Variants in SYNPO2 observed in about 807,000 individuals in gnomAD.
SYNPO2 encodes the protein synaptopodin 2.
A neutral mutation model predicts 85.0 loss-of-function variants in SYNPO2; 56 were observed. The ratio of observed to expected loss-of-function variants is 0.66; its 90% confidence interval spans 0.53 to 0.82. SYNPO2 has a LOEUF of 0.82. Ranked by LOEUF, SYNPO2 falls within the 40% of genes least tolerant of loss-of-function variation. The pLI is 0.00. For missense variants in SYNPO2, 1,575 were observed against 1,534.2 expected, an observed-to-expected ratio of 1.03 and a Z score of -0.44; for synonymous variants, 602 against 591.1, an observed-to-expected ratio of 1.02 and a Z score of -0.27.
intron 1 of SYNPO2, among the ~76,000 whole-genome samples, chr4:118,997,146 A>G (rs376879162): frequency 5.8e-4 from 86 of 147,278 alleles, no homozygotes; most frequent in Middle Eastern, 3.6e-3. Context: ...AGGCTGAGGC[A>G]GGAGAATGGC....
intron 1 of SYNPO2, among the ~76,000 whole-genome samples, chr4:118,955,882 A>T (rs1055545157): frequency 6.6e-6 from 1 of 152,224 alleles, no homozygotes; most frequent in African/African-American, 2.4e-5. Flanking sequence ...ATAAAGGATA[A>T]CAAAAAGGAA....
chr4:118,996,088 A>T (rs1307351610), intron 1 of SYNPO2, among the ~76,000 whole-genome samples: 1 of 152,128 alleles, frequency 6.6e-6, no homozygotes, highest in African/African-American at 2.4e-5. Context: ...CAAACTTTTC[A>T]TCCTCTCTCT....
chr4:119,009,804 G>T (rs1737223000), intron 1 of SYNPO2, among the ~76,000 whole-genome samples: 1 of 152,182 alleles, frequency 6.6e-6, no homozygotes, highest in South Asian at 2.1e-4. Flanking sequence ...GGCCATTAAT[G>T]GTTTATGAGC....
chr4:118,937,516 T>C (rs1734149672), intron 1 of SYNPO2, among the ~76,000 whole-genome samples: 1 of 152,136 alleles, frequency 6.6e-6, no homozygotes, highest in South Asian at 2.1e-4. Context: ...CTTATGTGTC[T>C]AAAGTCTGCC....
In SYNPO2 at chr4:118,975,577, A is replaced by T. The variant is rs371456980; in HGVS notation, c.106-47853A>T. ...ACTTTCACCCCCAGGAAGGAGGAGG[A>T]GGTGCAAGGGGAAATTCCTGTCATA... On this transcript the variant is annotated intron_variant, in intron 1 of 4. Coordinates refer to ENST00000307142, the MANE Select transcript of SYNPO2 (RefSeq NM_133477.3). Among the ~76,000 whole-genome samples the T allele has an allele frequency of 4.6e-5, 7 of 152,310 alleles. No individual in the cohort carries two copies. In the East Asian group the frequency reaches 1.2e-3, roughly 25 times the overall value.
intron 1 of SYNPO2, among the ~76,000 whole-genome samples, chr4:118,985,152 C>G (rs1270692071): frequency 6.6e-6 from 1 of 151,578 alleles, no homozygotes; most frequent in African/African-American, 2.4e-5. Context: ...CTTACGTACA[C>G]CGAAGCTTCA....
intron 1 of SYNPO2, among the ~76,000 whole-genome samples, chr4:118,962,932 G>T (rs1189025447): frequency 6.6e-6 from 1 of 152,188 alleles, no homozygotes; most frequent in Non-Finnish European, 1.5e-5. Context: ...GTGGAATTGT[G>T]GGTGCAGCCA....
Position 119,008,438 on chromosome 4 carries a change from T to G in SYNPO2, c.106-14992T>G, listed in dbSNP as rs571874214. ...ACACTGGTTTAAATTGCACAGGCTT[T>G]TTTTTTTTTTTCCTTGGCAAAGCAA... On this transcript the variant is annotated intron_variant, in intron 1 of 4. Transcript: ENST00000307142. 2.1e-3 allele frequency among the ~76,000 whole-genome samples: 311 copies of G among 151,388 alleles called. 2 individuals carry two copies. The highest frequency in any genetic ancestry group is 0.015 in the East Asian group (78 of 5,180).
intron 1 of SYNPO2, among the ~76,000 whole-genome samples, chr4:118,900,681 CTCTCTCTCTCTCTCTCTCTCTCTA>C (rs1191144832): frequency 1.5e-4 from 6 of 39,152 alleles, no homozygotes; most frequent in African/African-American, 4.5e-4. Context: ...CTCTCTCTCT[CTCTCTCTCTCTCTCTCTCTCTCTA>C]TATATATATA....
At chr4:118,946,478 T>C (rs891962674) in intron 1 of SYNPO2, among the ~76,000 whole-genome samples, 4 of 125,044 alleles carry the variant, frequency 3.2e-5, no homozygotes, top group African/African-American at 1.1e-4. Context: ...GTTTTAGAAA[T>C]CTGCCACCCA....
At chr4:118,994,824 AT>A (rs1160850844) in intron 1 of SYNPO2, among the ~76,000 whole-genome samples, 2 of 152,212 alleles carry the variant, frequency 1.3e-5, no homozygotes, top group African/African-American at 4.8e-5. Context: ...AATTTTTAAA[AT>A]TTTGGCATTT....
At chr4:118,894,157 A>C (rs953425632) in intron 1 of SYNPO2, among the ~76,000 whole-genome samples, 1 of 151,978 alleles carries the variant, frequency 6.6e-6, no homozygotes, top group Non-Finnish European at 1.5e-5. Context: ...AGGTTAAAAA[A>C]AAAAGTGAGG....
At position 119,058,095 on chromosome 4, in the gene SYNPO2, TGTATGTATGTGA is replaced by T; in HGVS notation, c.*162_*173del. Reference sequence around the variant, plus strand: ...GTGTTTCTGTGTGTGTGTGTGTGTGTGTATGTATGTGAATATACACACACACACACACACAGG... The same window carrying T: ...GTGTTTCTGTGTGTGTGTGTGTGTGTATATACACACACACACACACACAGG... On this transcript the variant is annotated 3_prime_UTR_variant, in exon 5 of 5. Coordinates refer to ENST00000307142, the MANE Select transcript of SYNPO2 (RefSeq NM_133477.3). The T allele has an allele frequency of 9.4e-6, 6 of 639,440 alleles. No homozygotes were observed. Among genetic ancestry groups the T allele is most frequent in the South Asian group, 2.1e-5 (1 of 48,054 alleles). 39.6% of individuals were successfully genotyped at this position (639,440 alleles called of 1,614,324 possible).
chr4:118,927,485 C>T (rs1578557312), intron 1 of SYNPO2, among the ~76,000 whole-genome samples: 2 of 152,104 alleles, frequency 1.3e-5, no homozygotes, highest in Middle Eastern at 3.4e-3. Flanking sequence ...GTATCTGAAC[C>T]GAGTCTAAAG....
chr4:119,039,781 T>C (rs2149196298), intron 4 of SYNPO2, among the ~76,000 whole-genome samples: 1 of 152,280 alleles, frequency 6.6e-6, no homozygotes, highest in South Asian at 2.1e-4. Flanking sequence ...TAAGGTTCCT[T>C]CCAATTTTTA....
chr4:119,033,337 G>A (rs1365343685), intron 4 of SYNPO2: 6 of 985,066 alleles, frequency 6.1e-6, no homozygotes, highest in South Asian at 4.7e-5. Flanking sequence ...ATTTGTATTC[G>A]ATGGACCAGG....
intron 1 of SYNPO2, among the ~76,000 whole-genome samples, chr4:118,914,224 T>C (rs1733235830): frequency 6.6e-6 from 1 of 152,154 alleles, no homozygotes; most frequent in Admixed American, 6.6e-5. Context: ...TTAAATAAAT[T>C]GAATTTAAGT....
At position 118,889,090 on chromosome 4, in the gene SYNPO2, G is replaced by T. The variant is rs749325284; in HGVS notation, c.54G>T (p.Gly18=). 3.8e-5 allele frequency: 62 copies of T among 1,614,078 alleles called. No individual in the cohort carries two copies. Among genetic ancestry groups the T allele is most frequent in the South Asian group, 7.7e-5 (7 of 91,084 alleles). Residue 18 remains glycine (G), a synonymous_variant, in exon 1 of 5, where the codon GGG becomes GGT. Coordinates refer to ENST00000307142, the MANE Select transcript of SYNPO2 (RefSeq NM_133477.3). The part of the protein sequence containing the change: ...CISMTGGAPW[G]FRLQGGKEQK... ...CCATGACTGGAGGGGCGCCCTGGGG[G>T]TTCAGATTGCAAGGTGGCAAGGAGC...
At position 119,026,813 on chromosome 4, in the gene SYNPO2, T is replaced by C. The variant is rs1213609077; in HGVS notation, c.444T>C (p.Ser148=). The change falls in exon 3 of 5, where the codon AGT becomes AGC. Residue 148 remains serine (S), a synonymous_variant. Coordinates refer to ENST00000307142, the MANE Select transcript of SYNPO2 (RefSeq NM_133477.3). ...TTCCCCTAGCTGAGAACCAAAGAAG[T>C]GGTCCCGACTGTGCAGGCAGCTTGA... ...TEVPLAENQR[S]GPDCAGSLKE... The C allele has an allele frequency of 2.5e-6, 4 of 1,613,852 alleles. No individual in the cohort carries two copies. The highest frequency in any genetic ancestry group is 2.5e-6 in the Non-Finnish European group (3 of 1,179,958).
Sources: allele counts gnomAD v4.1 joint callset (sites outside exome capture counted in the v4.1 genomes callset), GRCh38; gene constraint gnomAD v4.1.1; transcripts MANE v1.5; gene names NCBI Gene and HGNC (gene_info 2026-07-23, HGNC 2026-07-21).